RIMS2: variants seen among roughly 807,000 people sequenced by gnomAD.
RIMS2 encodes regulating synaptic membrane exocytosis 2.
Under a neutral mutation model 174.4 loss-of-function variants are expected in RIMS2, and 59 were observed. That is an observed-to-expected ratio of 0.34 (90% CI 0.27 to 0.42). The LOEUF (loss-of-function observed/expected upper bound fraction) is 0.42, where lower values mean the gene tolerates loss of function less well. Ranked by LOEUF, RIMS2 falls within the 10% of genes least tolerant of loss-of-function variation. The pLI is 1.00. For synonymous variants in RIMS2, 606 were observed against 572.5 expected, an observed-to-expected ratio of 1.06 and a Z score of -0.84; for missense variants, 1,620 against 1,666.3, an observed-to-expected ratio of 0.97 and a Z score of 0.48.
At chr8:103,933,357 G>T (rs13261271) in intron 12 of RIMS2, among the ~76,000 whole-genome samples, 28,832 of 149,096 alleles carry the variant, frequency 0.19, 3,405 homozygotes, top group Middle Eastern at 0.35. Flanking sequence ...GTGGTGGCAG[G>T]TGCCTGTAAT....
chr8:104,071,699 G>A (rs1207942251), intron 19 of RIMS2, among the ~76,000 whole-genome samples: 2 of 152,136 alleles, frequency 1.3e-5, no homozygotes, highest in African/African-American at 2.4e-5. Context: ...GCCTCCCAAA[G>A]TGCTGGGATT....
intron 8 of RIMS2, among the ~76,000 whole-genome samples, chr8:103,917,349 G>T (rs1040388769): frequency 3.9e-5 from 6 of 152,052 alleles, no homozygotes; most frequent in African/African-American, 1.4e-4. Context: ...TGAAGAAAAC[G>T]ACTTAGGGTG....
chr8:104,000,457 T>G (rs2095335323), intron 17 of RIMS2, among the ~76,000 whole-genome samples: 1 of 151,834 alleles, frequency 6.6e-6, no homozygotes, highest in Non-Finnish European at 1.5e-5. Context: ...TGCATTCATT[T>G]GTTGATGGAC....
At chr8:103,577,286 A>G (rs547769324) in intron 1 of RIMS2, among the ~76,000 whole-genome samples, 2 of 152,354 alleles carry the variant, frequency 1.3e-5, no homozygotes, top group East Asian at 3.9e-4. Context: ...CACTTCTCAA[A>G]AGGAGACATC....
intron 1 of RIMS2, among the ~76,000 whole-genome samples, chr8:103,636,666 C>T (rs535768966): frequency 6.6e-5 from 10 of 152,132 alleles, no homozygotes; most frequent in Non-Finnish European, 1.0e-4. Flanking sequence ...TGGATGTTAT[C>T]GTCGAAGGTG....
intron 19 of RIMS2, among the ~76,000 whole-genome samples, chr8:104,155,739 A>G (rs1340115920): frequency 6.6e-6 from 1 of 152,148 alleles, no homozygotes; most frequent in Non-Finnish European, 1.5e-5. Context: ...AACTACACTA[A>G]CAATGAGAAA....
intron 2 of RIMS2, among the ~76,000 whole-genome samples, chr8:103,727,704 C>G: frequency 6.6e-6 from 1 of 152,078 alleles, no homozygotes; most frequent in East Asian, 1.9e-4. Flanking sequence ...TGACATTTTC[C>G]CAGTGTATGT....
chr8:103,956,404 T>C (rs1240599249), intron 14 of RIMS2, among the ~76,000 whole-genome samples: 1 of 152,116 alleles, frequency 6.6e-6, no homozygotes, highest in Admixed American at 6.5e-5. Flanking sequence ...AAAACAGATA[T>C]ATAGACCAAT....
Position 103,978,359 on chromosome 8 carries a change from G to A in RIMS2, c.2927+2853G>A, listed in dbSNP as rs141542924. On this transcript the variant is annotated intron_variant, in intron 16 of 23. Transcript: ENST00000504942. ...AACTAGACAATCTAGGGCAAAAATG[G>A]TAGTCAGAGGAAAAAAAAATGAATG... Among the ~76,000 whole-genome samples, 55 of 116,914 alleles carry A rather than the reference G, an allele frequency of 4.7e-4. 1 individual carries two copies. Among genetic ancestry groups the A allele is most frequent in the Non-Finnish European group, 1.1e-3 (48 of 44,406 alleles). 76.7% of individuals were successfully genotyped at this position (116,914 alleles called of 152,430 possible).
chr8:103,675,008 T>G lies in RIMS2; in HGVS notation c.177-22078T>G, dbSNP rs144600800. The stretch of plus-strand genomic sequence containing the variant: ...TGAAGATTTTAAACTACTGAAAAGA[T>G]TAAATGATTCTCCTGCTTCAGCCTC... On this transcript the variant is annotated intron_variant, in intron 1 of 23. Coordinates refer to ENST00000504942, the Ensembl canonical transcript of RIMS2. 3.8e-3 allele frequency among the ~76,000 whole-genome samples: 584 copies of G among 152,334 alleles called. 2 individuals are homozygous for G. Among genetic ancestry groups the G allele is most frequent in the Non-Finnish European group, 5.9e-3 (403 of 68,024 alleles).
At chr8:103,659,030 A>G (rs960277462) in intron 1 of RIMS2, among the ~76,000 whole-genome samples, 5 of 152,250 alleles carry the variant, frequency 3.3e-5, no homozygotes, top group Non-Finnish European at 7.3e-5. Context: ...GCTAATGCTG[A>G]TAGAAATCGA....
chr8:104,240,487 G>C (rs2099281376), intron 19 of RIMS2, among the ~76,000 whole-genome samples: 1 of 152,096 alleles, frequency 6.6e-6, no homozygotes, highest in South Asian at 2.1e-4. Context: ...GCCTATAAAT[G>C]TATTTGATAA....
intron 1 of RIMS2, among the ~76,000 whole-genome samples, chr8:103,508,474 AAG>A (rs1367860328): frequency 6.9e-6 from 1 of 144,628 alleles, no homozygotes; most frequent in Admixed American, 6.9e-5. Flanking sequence ...AAAAAAAAAA[AAG>A]AAGACGATGC....
intron 17 of RIMS2, among the ~76,000 whole-genome samples, chr8:104,001,078 A>G (rs1200768290): frequency 1.3e-5 from 2 of 151,808 alleles, no homozygotes; most frequent in African/African-American, 2.4e-5. Context: ...ATAGAATCTC[A>G]TTTGTCAATT....
chr8:103,517,921 TA>T (rs5893659), intron 1 of RIMS2, among the ~76,000 whole-genome samples: 8,262 of 148,738 alleles, frequency 0.056, 305 homozygotes, highest in Non-Finnish European at 0.079. Flanking sequence ...GCTGATGAGC[TA>T]AAAAAAAAAA....
Position 103,766,221 on chromosome 8 carries a change from G to A in RIMS2, c.388-6G>A. ...TAATTTTTTCCCCCTATGTCTTCAT[G>A]TGCAGGTTATGTGGGTATGTAATTT... On this transcript the variant is annotated splice_polypyrimidine_tract_variant and splice_region_variant and intron_variant, in intron 2 of 23. Coordinates refer to ENST00000504942, the Ensembl canonical transcript of RIMS2. The A allele has an allele frequency of 6.3e-7, 1 of 1,594,752 alleles. No individual in the cohort carries two copies. Among genetic ancestry groups the A allele is most frequent in the Non-Finnish European group, 8.6e-7 (1 of 1,168,238 alleles).
chr8:103,758,369 A>G (rs2098057208), intron 2 of RIMS2, among the ~76,000 whole-genome samples: 1 of 152,170 alleles, frequency 6.6e-6, no homozygotes, highest in Non-Finnish European at 1.5e-5. Context: ...GTGATCTTAT[A>G]AATTCATATA....
At chr8:103,856,931 C>A (rs1342659174) in intron 3 of RIMS2, among the ~76,000 whole-genome samples, 1 of 151,944 alleles carries the variant, frequency 6.6e-6, no homozygotes, top group Non-Finnish European at 1.5e-5. Flanking sequence ...CTCAACCTCC[C>A]GAGTAGCTGG....
At chr8:104,034,704 A>T (rs1474581704) in intron 19 of RIMS2, among the ~76,000 whole-genome samples, 1 of 151,974 alleles carries the variant, frequency 6.6e-6, no homozygotes, top group African/African-American at 2.4e-5. Flanking sequence ...TCCTGAACTC[A>T]GGTGATCCAC....
Sources: gnomAD v4.1 joint callset for allele counts (sites outside exome capture counted in the v4.1 genomes callset) on GRCh38, gnomAD v4.1.1 for gene constraint, MANE v1.5 for transcripts, NCBI Gene and HGNC (gene_info 2026-07-23, HGNC 2026-07-21) for gene names.